Variants in DOCK2 observed in about 807,000 individuals in gnomAD.
The protein encoded by DOCK2 is dedicator of cytokinesis protein 2.
Under a neutral mutation model 248.9 loss-of-function variants are expected in DOCK2, and 87 were observed. The observed-to-expected ratio is 0.35, with a 90% CI of 0.29 to 0.42. DOCK2 has a LOEUF of 0.42. DOCK2 is among the 10% of genes least tolerant of loss of function. The probability of loss-of-function intolerance (pLI) is 1.00; values close to 1 mark genes in which losing one functional copy is unlikely to be tolerated. For synonymous variants in DOCK2, 805 were observed against 821.6 expected, an observed-to-expected ratio of 0.98 and a Z score of 0.35; for missense variants, 1,747 against 2,300.2, an observed-to-expected ratio of 0.76 and a Z score of 4.92.
chr5:170,037,010 A>G (rs1756345613), intron 36 of DOCK2, among the ~76,000 whole-genome samples: 1 of 152,228 alleles, frequency 6.6e-6, no homozygotes, highest in Admixed American at 6.5e-5. Flanking sequence ...TGAATATATC[A>G]TGAAGGTTTT....
At chr5:169,908,739 G>A (rs1239732871) in intron 27 of DOCK2, among the ~76,000 whole-genome samples, 4 of 127,210 alleles carry the variant, frequency 3.1e-5, no homozygotes, top group South Asian at 2.5e-4. Flanking sequence ...TTTTGAGACC[G>A]AGTCTCACTC....
chr5:169,891,613 C>T (rs1448625932), intron 27 of DOCK2, among the ~76,000 whole-genome samples: 11 of 151,634 alleles, frequency 7.3e-5, no homozygotes, highest in Non-Finnish European at 1.5e-4. Context: ...CTAAAAACCA[C>T]GAAGACAACC....
intron 22 of DOCK2, among the ~76,000 whole-genome samples, chr5:169,720,817 G>A (rs760027474): frequency 6.6e-6 from 1 of 152,138 alleles, no homozygotes; most frequent in Admixed American, 6.5e-5. Flanking sequence ...TGCGATCTCC[G>A]CCTCCCACCT....
chr5:169,928,936 A>G (rs995018395), intron 27 of DOCK2, among the ~76,000 whole-genome samples: 1 of 152,202 alleles, frequency 6.6e-6, no homozygotes, highest in Admixed American at 6.5e-5. Flanking sequence ...TAACTGCGCT[A>G]TTAATTATGC....
rs754337734 is a variant in DOCK2, at chr5:170,008,482, CTCT to C, written c.3073-13_3073-11del. The C allele has an allele frequency of 8.7e-6, 14 of 1,613,698 alleles. No individual in the cohort carries two copies. In the South Asian group the frequency reaches 1.3e-4, roughly 15 times the overall value. ...AGACCCTCTCCATAACTGTTCTCTG[CTCT>C]TTCATTTACAGCTGTGGAACAACTA... On this transcript the variant is annotated splice_polypyrimidine_tract_variant and intron_variant, in intron 30 of 51. Coordinates refer to ENST00000520908, the MANE Select transcript of DOCK2 (RefSeq NM_004946.3).
At chr5:169,985,455 T>G (rs114664695) in intron 28 of DOCK2, among the ~76,000 whole-genome samples, 334 of 152,034 alleles carry the variant, frequency 2.2e-3, no homozygotes, top group Admixed American at 3.6e-3. Context: ...TTCATTTTAA[T>G]AAGAGTTTAT....
intron 33 of DOCK2, 118 bp downstream of exon 33, chr5:170,019,226 G>A (rs2113821778): frequency 6.7e-7 from 1 of 1,494,932 alleles, no homozygotes; most frequent in Non-Finnish European, 9.1e-7. Flanking sequence ...GCAGGATAGG[G>A]ACATTTATTC....
chr5:170,016,289 C>T (rs567895792), intron 32 of DOCK2, among the ~76,000 whole-genome samples: 7 of 152,326 alleles, frequency 4.6e-5, no homozygotes, highest in African/African-American at 1.2e-4. Flanking sequence ...TGGCTTTTCT[C>T]GAATACAGCA....
intron 30 of DOCK2, among the ~76,000 whole-genome samples, chr5:170,002,018 C>A (rs1471270780): frequency 1.3e-5 from 2 of 152,078 alleles, no homozygotes; most frequent in South Asian, 2.1e-4. Context: ...AGGTAGGGTA[C>A]CTTGTCCATG....
chr5:170,076,313 A>G (rs180691346), intron 47 of DOCK2, among the ~76,000 whole-genome samples: 5 of 152,310 alleles, frequency 3.3e-5, no homozygotes, highest in Non-Finnish European at 7.3e-5. Context: ...GCAGATACCA[A>G]CTACTCAAGG....
rs563175946 is a variant in DOCK2 at position 169,912,441 on chromosome 5, A to C, written c.2800-70627A>C. On this transcript the variant is annotated intron_variant, in intron 27 of 51. Coordinates refer to ENST00000520908, the MANE Select transcript of DOCK2 (RefSeq NM_004946.3). ...GGGTCTTTAATAGTCTTAGCCACACACAAATTCATCTTTTGGCACGTGTAT... is the reference window on the plus strand; with the variant it reads ...GGGTCTTTAATAGTCTTAGCCACACCCAAATTCATCTTTTGGCACGTGTAT... Among the ~76,000 whole-genome samples the C allele has an allele frequency of 5.9e-5, 9 of 152,308 alleles. No homozygotes were observed. In the East Asian group the frequency reaches 1.7e-3, roughly 29 times the overall value.
chr5:169,840,930 ACATTGAACTCCCAG>A, intron 27 of DOCK2, 78 bp downstream of exon 27: 1 of 1,445,682 alleles, frequency 6.9e-7, no homozygotes, highest in African/African-American at 1.4e-5. Context: ...AAGGCAGATC[ACATTGAACTCCCAG>A]CATTGATCAT....
chr5:169,685,253 A>AATAAGTTG (rs1478906528), intron 8 of DOCK2, among the ~76,000 whole-genome samples: 16 of 152,230 alleles, frequency 1.1e-4, no homozygotes, highest in African/African-American at 3.9e-4. Flanking sequence ...TTACTACTTT[A>AATAAGTTG]ATAAGTTGTT....
Position 169,698,386 on chromosome 5 carries a change from CA to C in DOCK2, c.993del (p.Asp332ThrfsTer37). On this transcript the variant is annotated frameshift_variant, in exon 11 of 52. Coordinates refer to ENST00000520908, the MANE Select transcript of DOCK2 (RefSeq NM_004946.3). LOFTEE classifies it high-confidence loss of function. ...GTCTTCTTTCTAGTTATGGATATAA[CA>C]GACATCATCAAGGGGAAAGCAGAGA... is the stretch of plus-strand genomic sequence containing the variant. ...RPFGVAVMDI[T>X]DIIKGKAESD... is the part of the protein sequence containing the mutation. 6.2e-7 allele frequency: 1 copy of C among 1,614,004 alleles called. No homozygotes were observed. Among genetic ancestry groups the C allele is most frequent in the Non-Finnish European group, 8.5e-7 (1 of 1,179,876 alleles).
chr5:169,890,599 T>C (rs1033122550), intron 27 of DOCK2, among the ~76,000 whole-genome samples: 16 of 152,220 alleles, frequency 1.1e-4, no homozygotes, highest in Admixed American at 3.3e-4. Flanking sequence ...TGCCTAAATC[T>C]ACATTCTGTT....
At chr5:169,867,590 C>T (rs887010466) in intron 27 of DOCK2, among the ~76,000 whole-genome samples, 2 of 151,740 alleles carry the variant, frequency 1.3e-5, no homozygotes, top group Non-Finnish European at 2.9e-5. Flanking sequence ...TGTCATCTAT[C>T]GTTATCTATC....
chr5:169,819,939 A>G (rs1768317037), intron 26 of DOCK2, among the ~76,000 whole-genome samples: 1 of 152,238 alleles, frequency 6.6e-6, no homozygotes, highest in Non-Finnish European at 1.5e-5. Flanking sequence ...GCACTTTTCC[A>G]ATGCTCTTAG....
At position 169,671,092 on chromosome 5, in the gene DOCK2, T is replaced by G. The variant is rs1759028698; in HGVS notation, c.239T>G (p.Ile80Ser). 6.2e-7 allele frequency: 1 copy of G among 1,614,024 alleles called. No individual in the cohort carries two copies. The highest frequency in any genetic ancestry group is 1.1e-5 in the South Asian group (1 of 91,062). ...TVEKRRNTEN[I>S]IPAEIPLAQE... Reference sequence around the variant, plus strand: ...ACCTTAAATAGAAATACTGAGAACATCATTCCTGCAGAAATTCCTCTGGCA... The same window carrying G: ...ACCTTAAATAGAAATACTGAGAACAGCATTCCTGCAGAAATTCCTCTGGCA... The change falls in exon 5 of 52, where the codon ATC becomes AGC. Residue 80 changes from isoleucine to serine, a missense_variant. Coordinates refer to ENST00000520908, the MANE Select transcript of DOCK2 (RefSeq NM_004946.3).
At chr5:169,898,564 A>G (rs2113568643) in intron 27 of DOCK2, among the ~76,000 whole-genome samples, 1 of 151,312 alleles carries the variant, frequency 6.6e-6, no homozygotes, top group East Asian at 1.9e-4. Flanking sequence ...ACAACAACAC[A>G]CACCGGATTG....
Sources: gnomAD v4.1 joint callset for allele counts (sites outside exome capture counted in the v4.1 genomes callset) on GRCh38, gnomAD v4.1.1 for gene constraint, MANE v1.5 for transcripts, NCBI Gene and HGNC (gene_info 2026-07-23, HGNC 2026-07-21) for gene names.